Variants in CACNB2 observed in about 807,000 individuals in gnomAD.
CACNB2 encodes voltage-dependent L-type calcium channel subunit beta-2.
A neutral mutation model predicts 73.3 loss-of-function variants in CACNB2; 42 were observed. The observed-to-expected ratio is 0.57, with a 90% CI of 0.45 to 0.74. The LOEUF is 0.74. Among genes scored for constraint, CACNB2 ranks in the 30% least tolerant of loss-of-function variants. The pLI, the probability that CACNB2 is intolerant of heterozygous loss-of-function variation, is 0.00. For missense variants in CACNB2, 940 were observed against 853.0 expected, an observed-to-expected ratio of 1.10 and a Z score of -1.27; for synonymous variants, 348 against 310.3, an observed-to-expected ratio of 1.12 and a Z score of -1.28.
At chr10:18,407,846 A>G (rs753274391) in intron 3 of CACNB2, among the ~76,000 whole-genome samples, 8 of 152,118 alleles carry the variant, frequency 5.3e-5, no homozygotes, top group Non-Finnish European at 1.0e-4. Context: ...TTCCATAGCC[A>G]TAATATTTTC....
At chr10:18,217,236 C>A (rs2035548327) in intron 2 of CACNB2, among the ~76,000 whole-genome samples, 1 of 152,122 alleles carries the variant, frequency 6.6e-6, no homozygotes, top group African/African-American at 2.4e-5. Flanking sequence ...GTAATCCCAG[C>A]ACTTTGGGAG....
intron 2 of CACNB2, among the ~76,000 whole-genome samples, chr10:18,277,832 T>G (rs1303673175): frequency 1.3e-5 from 2 of 152,240 alleles, no homozygotes; most frequent in Non-Finnish European, 2.9e-5. Flanking sequence ...TTTCATTTTT[T>G]TCTTTTTTAA....
At chr10:18,338,478 G>A (rs540648324) in intron 2 of CACNB2, among the ~76,000 whole-genome samples, 1 of 152,248 alleles carries the variant, frequency 6.6e-6, no homozygotes, top group South Asian at 2.1e-4. Flanking sequence ...GTACCTTAAA[G>A]TTCCAAAACT....
intron 2 of CACNB2, among the ~76,000 whole-genome samples, chr10:18,151,822 C>G (rs960809210): frequency 2.0e-5 from 3 of 152,132 alleles, no homozygotes; most frequent in African/African-American, 7.2e-5. Flanking sequence ...CTCATCATCT[C>G]TTGTCAATGA....
At position 18,534,147 on chromosome 10, in the gene CACNB2, G is replaced by T; in HGVS notation, c.1126G>T (p.Asp376Tyr). 3.1e-6 allele frequency: 5 copies of T among 1,613,856 alleles called. No individual in the cohort carries two copies. The highest frequency in any genetic ancestry group is 4.2e-6 in the Non-Finnish European group (5 of 1,179,764). The change falls in exon 11 of 14, where the codon GAT becomes TAT. Residue 376 changes from aspartate (D) to tyrosine (Y), a missense_variant. Transcript: ENST00000324631. Reference protein sequence around the residue: ...RTLQLVVLDADTINHPAQLSK... With the variant: ...RTLQLVVLDAYTINHPAQLSK... Reference sequence around the variant, plus strand: ...ATTGCAGTTGGTGGTCCTTGACGCGGATACAATTAATCATCCAGCTCAACT... The same window carrying T: ...ATTGCAGTTGGTGGTCCTTGACGCGTATACAATTAATCATCCAGCTCAACT...
intron 2 of CACNB2, 56 bp downstream of exon 2, chr10:18,151,031 T>A: frequency 2.7e-6 from 3 of 1,105,282 alleles, no homozygotes; most frequent in Non-Finnish European, 4.2e-6. Flanking sequence ...TTTAGATTTT[T>A]AAAGGTGGGT....
chr10:18,398,207 AT>A, intron 2 of CACNB2, among the ~76,000 whole-genome samples: 1 of 152,308 alleles, frequency 6.6e-6, no homozygotes, highest in East Asian at 1.9e-4. Flanking sequence ...AAGAAAGGAG[AT>A]TAACTGTAAG....
intron 2 of CACNB2, among the ~76,000 whole-genome samples, chr10:18,185,212 G>A (rs1242272574): frequency 1.3e-5 from 2 of 152,058 alleles, no homozygotes; most frequent in African/African-American, 2.4e-5. Context: ...CTTTCCATTA[G>A]TACTTTTTAA....
intron 2 of CACNB2, among the ~76,000 whole-genome samples, chr10:18,166,628 A>G (rs971585245): frequency 3.3e-5 from 5 of 152,170 alleles, no homozygotes; most frequent in Admixed American, 2.6e-4. Context: ...CACCAGTTCT[A>G]TTGGCTTGTG....
chr10:18,492,882 A>G (rs1437753381), intron 3 of CACNB2, among the ~76,000 whole-genome samples: 1 of 152,142 alleles, frequency 6.6e-6, no homozygotes, highest in Non-Finnish European at 1.5e-5. Context: ...GTAAATACAG[A>G]GAAATATTTA....
At chr10:18,511,648 A>AT (rs572022636) in intron 6 of CACNB2, among the ~76,000 whole-genome samples, 2 of 151,942 alleles carry the variant, frequency 1.3e-5, no homozygotes, top group African/African-American at 2.4e-5. Flanking sequence ...CAGTGAGTAA[A>AT]TTTTTTTTCT....
chr10:18,333,890 CA>C (rs2040901369), intron 2 of CACNB2, among the ~76,000 whole-genome samples: 1 of 151,934 alleles, frequency 6.6e-6, no homozygotes, highest in Non-Finnish European at 1.5e-5. Context: ...CGTCTCCTGG[CA>C]ACGTAACATA....
chr10:18,230,880 T>C (rs2131446788), intron 2 of CACNB2, among the ~76,000 whole-genome samples: 1 of 151,624 alleles, frequency 6.6e-6, no homozygotes, highest in African/African-American at 2.4e-5. Context: ...AATACTTCTA[T>C]ACAAGAAGGG....
At chr10:18,168,377 TA>T (rs2033005131) in intron 2 of CACNB2, among the ~76,000 whole-genome samples, 1 of 152,202 alleles carries the variant, frequency 6.6e-6, no homozygotes, top group Admixed American at 6.5e-5. Context: ...AATCACCAGA[TA>T]ACTAAGTAAT....
At chr10:18,406,506 C>T (rs1313467153) in intron 3 of CACNB2, among the ~76,000 whole-genome samples, 1 of 152,100 alleles carries the variant, frequency 6.6e-6, no homozygotes, top group Non-Finnish European at 1.5e-5. Context: ...GAGTGCAAAC[C>T]CTTTTGTGAG....
At chr10:18,387,692 G>C (rs898767222) in intron 2 of CACNB2, among the ~76,000 whole-genome samples, 1 of 152,000 alleles carries the variant, frequency 6.6e-6, no homozygotes, top group African/African-American at 2.4e-5. Flanking sequence ...CAGGCTGTGA[G>C]ACTGTGGTCA....
At chr10:18,513,053 G>A (rs1327026114) in intron 6 of CACNB2, 1 of 158,876 alleles carries the variant, frequency 6.3e-6, no homozygotes, top group South Asian at 1.8e-4. Context: ...GATTCAGAAA[G>A]CTATAGTGGA....
At chr10:18,510,746 G>A (rs2050725320) in intron 6 of CACNB2, among the ~76,000 whole-genome samples, 1 of 152,192 alleles carries the variant, frequency 6.6e-6, no homozygotes, top group South Asian at 2.1e-4. Context: ...TTCATTTTAG[G>A]AGAGCCCTCA....
intron 2 of CACNB2, among the ~76,000 whole-genome samples, chr10:18,357,905 G>A (rs1362461363): frequency 6.6e-6 from 1 of 152,092 alleles, no homozygotes; most frequent in Non-Finnish European, 1.5e-5. Flanking sequence ...CATTAGTTTA[G>A]ACGATAAACT....
Sources: gnomAD v4.1 joint callset for allele counts (sites outside exome capture counted in the v4.1 genomes callset) on GRCh38, gnomAD v4.1.1 for gene constraint, MANE v1.5 for transcripts, NCBI Gene and HGNC (gene_info 2026-07-23, HGNC 2026-07-21) for gene names.